The following GP6 variants were observed in gnomAD, a reference collection of about 807,000 sequenced individuals.
The protein encoded by GP6 is platelet glycoprotein VI.
GP6 carries 45 observed loss-of-function variants against 37.3 expected under a neutral mutation model. That is an observed-to-expected ratio of 1.21 (90% CI 0.95 to 1.55). GP6 has a LOEUF of 1.55. Ranked by LOEUF, GP6 falls within the 40% of genes most tolerant of loss-of-function variation. The probability of loss-of-function intolerance (pLI) is 0.00; values close to 1 mark genes in which losing one functional copy is unlikely to be tolerated. For missense variants in GP6, 813 were observed against 760.2 expected, an observed-to-expected ratio of 1.07 and a Z score of -0.82; for synonymous variants, 340 against 316.4, an observed-to-expected ratio of 1.07 and a Z score of -0.79.
chr19:55,017,208 G>C (rs1485370063), intron 6 of GP6, among the ~76,000 whole-genome samples: 1 of 150,592 alleles, frequency 6.6e-6, no homozygotes, highest in South Asian at 2.1e-4. Flanking sequence ...CCTCCAACTC[G>C]TGAGTTCAAG....
intron 1 of GP6, among the ~76,000 whole-genome samples, chr19:55,037,789 G>T (rs943706838): frequency 6.6e-6 from 1 of 150,402 alleles, no homozygotes; most frequent in Non-Finnish European, 1.5e-5. Context: ...CCGCCATCAC[G>T]CCCGGCTAAT....
chr19:55,025,130 A>T, intron 5 of GP6, 88 bp downstream of exon 5: 1 of 773,488 alleles, frequency 1.3e-6, no homozygotes, highest in African/African-American at 1.7e-5. Context: ...CAACTGAATT[A>T]AATCGAGAAG....
chr19:55,019,165 G>A (rs1244166332), intron 5 of GP6, among the ~76,000 whole-genome samples: 1 of 149,166 alleles, frequency 6.7e-6, no homozygotes, highest in African/African-American at 2.5e-5. Context: ...GAGTGCAGTG[G>A]CGCGATCTCA....
Position 55,014,422 on chromosome 19 carries a change from C to T in GP6, c.1523G>A (p.Arg508Lys). The T allele has an allele frequency of 6.2e-7, 1 of 1,613,750 alleles. No homozygotes were observed. The highest frequency in any genetic ancestry group is 8.5e-7 in the Non-Finnish European group (1 of 1,179,652). ...ACCCAAACTGCCTGCAAGACCCGTT[C>T]TGAGAGACGAAAGGAGATTTGTTAG... Residue 508 changes from arginine to lysine, a missense_variant, in exon 8 of 8, where the codon AGA (arginine) becomes AAA (lysine). By Grantham distance (26) the Arg-to-Lys change is conservative (BLOSUM62 2). Coordinates refer to ENST00000310373, the MANE Select transcript of GP6 (RefSeq NM_001083899.2).
At chr19:55,018,790 T>A in intron 5 of GP6, 79 bp from the exon 6 acceptor site, 6 of 965,042 alleles carry the variant, frequency 6.2e-6, no homozygotes, top group Non-Finnish European at 1.0e-5. Flanking sequence ...TTTTGAGATA[T>A]CTAGGCTCCC....
intron 7 of GP6, among the ~76,000 whole-genome samples, 174 bp from the exon 8 acceptor site, chr19:55,015,339 A>G (rs1037398165): frequency 6.6e-6 from 1 of 152,132 alleles, no homozygotes; most frequent in East Asian, 1.9e-4. Flanking sequence ...GATGACCCCA[A>G]TTCTCTAAGT....
At chr19:55,026,554 A>G (rs1264653895) in intron 4 of GP6, among the ~76,000 whole-genome samples, 1 of 151,990 alleles carries the variant, frequency 6.6e-6, no homozygotes, top group Non-Finnish European at 1.5e-5. Flanking sequence ...ATATAACCAC[A>G]TTATGAGGTA....
rs764765255 is a variant in GP6 at position 55,014,912 on chromosome 19, G to C, written c.1033C>G (p.Pro345Ala). 6 of 1,613,530 alleles carry C rather than the reference G, an allele frequency of 3.7e-6. No homozygotes were observed. The highest frequency in any genetic ancestry group is 8.5e-7 in the Non-Finnish European group (1 of 1,179,910). ...TCCCTTGGATACGACCGTGCCTGGG[G>C]TTCAGCGGTCATGAACATAACCCGC... The change falls in exon 8 of 8, where the codon CCC becomes GCC. Residue 345 changes from proline to alanine, a missense_variant. Coordinates refer to ENST00000310373, the MANE Select transcript of GP6 (RefSeq NM_001083899.2).
chr19:55,014,847 C>T lies in GP6; in HGVS notation c.1098G>A (p.Val366=). 1 of 1,614,106 alleles carries T rather than the reference C, an allele frequency of 6.2e-7. No individual in the cohort carries two copies. The change falls in exon 8 of 8, where the codon GTG becomes GTA. Residue 366 remains valine, a synonymous_variant. Coordinates refer to ENST00000310373, the MANE Select transcript of GP6 (RefSeq NM_001083899.2). ...TCTGCCCTCCTGCTTCCACGCTCCA[C>T]ACACGCCAGTCTTTGAGTCGCCTCC...
Position 55,013,906 on chromosome 19 carries a change from A to G in GP6, c.*176T>C. ...GATGGTCAAGAAATGCCTAAACGCT[A>G]TAATAAATATAGAACTTTACCTTGA... is the stretch of plus-strand genomic sequence containing the variant. On this transcript the variant is annotated 3_prime_UTR_variant, in exon 8 of 8. Transcript: ENST00000310373. 5.4e-6 allele frequency: 2 copies of G among 371,218 alleles called. No individual in the cohort carries two copies. Among genetic ancestry groups the G allele is most frequent in the South Asian group, 4.1e-5 (2 of 49,150 alleles). 23.0% of individuals were successfully genotyped at this position (371,218 alleles called of 1,614,324 possible). A position where few individuals can be genotyped will look rare whatever the true frequency, so the allele number is the denominator to read the frequency against.
intron 1 of GP6, among the ~76,000 whole-genome samples, chr19:55,034,294 T>C (rs148656985): frequency 0.027 from 4,167 of 152,060 alleles, 73 homozygotes; most frequent in Non-Finnish European, 0.036. Flanking sequence ...CGGTGGCTCA[T>C]GCCTATAATC....
intron 5 of GP6, among the ~76,000 whole-genome samples, chr19:55,021,551 T>C (rs79106061): frequency 0.75 from 96,886 of 128,902 alleles, 37,310 homozygotes; most frequent in Middle Eastern, 0.84. Flanking sequence ...GATGGAGTCT[T>C]GCTCTGTCGC....
chr19:55,023,568 CT>C (rs2074158675), intron 5 of GP6, among the ~76,000 whole-genome samples: 1 of 152,202 alleles, frequency 6.6e-6, no homozygotes, highest in South Asian at 2.1e-4. Flanking sequence ...CAGCTACCCC[CT>C]CTTTGCCTTC....
intron 5 of GP6, among the ~76,000 whole-genome samples, chr19:55,024,295 CGCATGCACACACAT>C (rs1254693273): frequency 1.4e-5 from 2 of 144,822 alleles, no homozygotes; most frequent in African/African-American, 2.7e-5. Flanking sequence ...CACATATGCA[CGCATGCACACACAT>C]ATGCACGCAC....
chr19:55,021,810 G>A (rs1289306532), intron 5 of GP6, among the ~76,000 whole-genome samples: 6 of 152,180 alleles, frequency 3.9e-5, no homozygotes, highest in East Asian at 3.9e-4. Flanking sequence ...GTGAGCCACC[G>A]TGCCCGGCGT....
At chr19:55,024,506 C>T (rs2074231836) in intron 5 of GP6, among the ~76,000 whole-genome samples, 1 of 152,190 alleles carries the variant, frequency 6.6e-6, no homozygotes, top group African/African-American at 2.4e-5. Context: ...GTGCTTCACT[C>T]TGAGACACAG....
chr19:55,027,588 A>C lies in GP6; in HGVS notation c.600T>G (p.Leu200=), dbSNP rs758874083. 9.3e-6 allele frequency: 15 copies of C among 1,613,132 alleles called. No homozygotes were observed. The highest frequency in any genetic ancestry group is 8.5e-7 in the Non-Finnish European group (1 of 1,179,368). ...CTGCACTACCCCTACCTGTGACCAC[A>C]AGCTCCAGGGGGTCGCTGGGGGCTG... The change falls in exon 4 of 8, where the codon CTT becomes CTG. Residue 200 remains leucine, a synonymous_variant. Coordinates refer to ENST00000310373, the MANE Select transcript of GP6 (RefSeq NM_001083899.2).
intron 4 of GP6, 73 bp from the exon 5 acceptor site, chr19:55,025,344 G>C: frequency 1.1e-6 from 1 of 926,524 alleles, no homozygotes; most frequent in South Asian, 1.4e-5. Flanking sequence ...AAACATCTCC[G>C]TGACTGAGTT....
rs775164410 is a variant in GP6, at chr19:55,027,853, G to C, written c.335C>G (p.Ala112Gly). ...GGGCTGGGCTGAGAGCGAGGGTTTG[G>C]CAAAAACTCCTGGGAGAAAAAGAAA... The change falls in exon 4 of 8, where the codon GCC (alanine) becomes GGC (glycine). Residue 112 changes from alanine to glycine, a missense_variant. Physicochemically the swap from Ala to Gly is moderately conservative, Grantham distance 60. Transcript: ENST00000310373. The C allele has an allele frequency of 6.2e-7, 1 of 1,614,014 alleles. No homozygotes were observed. The highest frequency in any genetic ancestry group is 8.5e-7 in the Non-Finnish European group (1 of 1,179,994).
Sources: gnomAD v4.1 joint callset for allele counts (sites outside exome capture counted in the v4.1 genomes callset) on GRCh38, gnomAD v4.1.1 for gene constraint, MANE v1.5 for transcripts, NCBI Gene and HGNC (gene_info 2026-07-23, HGNC 2026-07-21) for gene names.